PIP4K2A: variants seen among roughly 807,000 people sequenced by gnomAD.
The protein encoded by PIP4K2A is phosphatidylinositol 5-phosphate 4-kinase type-2 alpha.
Under a neutral mutation model 42.9 loss-of-function variants are expected in PIP4K2A, and 14 were observed. The observed-to-expected ratio is 0.33, with a 90% CI of 0.22 to 0.51. The LOEUF (loss-of-function observed/expected upper bound fraction) is 0.51. Among genes scored for constraint, PIP4K2A ranks in the 20% least tolerant of loss-of-function variants. The pLI, the probability that PIP4K2A is intolerant of heterozygous loss-of-function variation, is 0.97. For missense variants in PIP4K2A, 434 were observed against 519.8 expected, an observed-to-expected ratio of 0.83 and a Z score of 1.61; for synonymous variants, 192 against 192.2, an observed-to-expected ratio of 1.00 and a Z score of 0.01.
At chr10:22,631,486 C>A (rs1838546838) in intron 1 of PIP4K2A, among the ~76,000 whole-genome samples, 1 of 152,142 alleles carries the variant, frequency 6.6e-6, no homozygotes, top group Non-Finnish European at 1.5e-5. Context: ...AGAAACCGAA[C>A]CCTGTCAGAA....
intron 1 of PIP4K2A, among the ~76,000 whole-genome samples, chr10:22,622,391 C>T (rs763507375): frequency 5.3e-5 from 8 of 152,184 alleles, no homozygotes; most frequent in African/African-American, 9.7e-5. Flanking sequence ...CAAGAAGCTT[C>T]GGGCACGGGA....
intron 1 of PIP4K2A, among the ~76,000 whole-genome samples, chr10:22,623,509 C>T (rs958597103): frequency 2.6e-5 from 4 of 152,132 alleles, no homozygotes; most frequent in Non-Finnish European, 5.9e-5. Context: ...CTTTACACAG[C>T]TTGTCTGACG....
At chr10:22,553,698 T>C (rs1328454473) in intron 6 of PIP4K2A, among the ~76,000 whole-genome samples, 1 of 151,528 alleles carries the variant, frequency 6.6e-6, no homozygotes, top group African/African-American at 2.4e-5. Flanking sequence ...GTGGTGCTTA[T>C]AATCCCCATC....
intron 1 of PIP4K2A, among the ~76,000 whole-genome samples, chr10:22,621,802 T>C (rs1026596544): frequency 1.3e-5 from 2 of 152,236 alleles, no homozygotes; most frequent in African/African-American, 4.8e-5. Context: ...TTCAGCAGAC[T>C]TCACAGTTGG....
intron 6 of PIP4K2A, among the ~76,000 whole-genome samples, chr10:22,559,854 A>C (rs1382816367): frequency 2.0e-5 from 3 of 152,192 alleles, no homozygotes; most frequent in African/African-American, 7.2e-5. Context: ...CAAATCCTTT[A>C]ATTTTACAAA....
At chr10:22,585,712 T>C (rs907521735) in intron 4 of PIP4K2A, among the ~76,000 whole-genome samples, 1 of 152,014 alleles carries the variant, frequency 6.6e-6, no homozygotes, top group African/African-American at 2.4e-5. Flanking sequence ...GGGATTCTCA[T>C]GCCTTAGCCT....
chr10:22,692,817 T>C (rs1419721475), intron 1 of PIP4K2A, among the ~76,000 whole-genome samples: 3 of 152,178 alleles, frequency 2.0e-5, no homozygotes, highest in Non-Finnish European at 4.4e-5. Flanking sequence ...GGAATCTTCT[T>C]TCAGTCAACA....
chr10:22,706,371 G>A (rs912585635), intron 1 of PIP4K2A, among the ~76,000 whole-genome samples: 1 of 152,148 alleles, frequency 6.6e-6, no homozygotes, highest in African/African-American at 2.4e-5. Context: ...AGCCATGCCA[G>A]CTTTCCTGCA....
intron 9 of PIP4K2A, among the ~76,000 whole-genome samples, chr10:22,537,758 A>C (rs2130732652): frequency 6.6e-6 from 1 of 152,352 alleles, no homozygotes. Context: ...GTTTCTGGAC[A>C]GAGGCCCCCA....
intron 1 of PIP4K2A, among the ~76,000 whole-genome samples, chr10:22,647,666 CT>C (rs1362176537): frequency 3.3e-5 from 5 of 152,198 alleles, no homozygotes; most frequent in Non-Finnish European, 7.3e-5. Flanking sequence ...GCTATCACAT[CT>C]TTGTTCCAAG....
Position 22,541,912 on chromosome 10 carries a change from C to A in PIP4K2A, c.928G>T (p.Val310Leu). 2 of 1,613,998 alleles carry A rather than the reference C, an allele frequency of 1.2e-6. No homozygotes were observed. Among genetic ancestry groups the A allele is most frequent in the Non-Finnish European group, 1.7e-6 (2 of 1,179,908 alleles). The part of the protein sequence containing the change: ...EEGESDGTHP[V>L]GTPPDSPGNT... ...CCGGGGCTATCTGGGGGGGTTCCCA[C>A]CGGGTGGGTGCCATCGCTCTCGCCC... Residue 310 changes from valine to leucine, a missense_variant, in exon 8 of 10, where the codon GTG becomes TTG. This residue lies in a region of PIP4K2A where 395 missense variants were observed against 444.5 expected (regional missense o/e 0.89). Coordinates refer to ENST00000376573, the MANE Select transcript of PIP4K2A (RefSeq NM_005028.5).
chr10:22,647,895 A>C (rs922179616), intron 1 of PIP4K2A, among the ~76,000 whole-genome samples: 1 of 152,262 alleles, frequency 6.6e-6, no homozygotes, highest in African/African-American at 2.4e-5. Context: ...AACAAAAGAA[A>C]AACAATGTGT....
At chr10:22,653,276 G>A (rs1054508550) in intron 1 of PIP4K2A, among the ~76,000 whole-genome samples, 8 of 152,126 alleles carry the variant, frequency 5.3e-5, no homozygotes, top group African/African-American at 1.4e-4. Context: ...GTACGTGGGA[G>A]GTAAGGAAAT....
At chr10:22,668,426 TG>T (rs201128217) in intron 1 of PIP4K2A, among the ~76,000 whole-genome samples, 2 of 152,232 alleles carry the variant, frequency 1.3e-5, no homozygotes, top group African/African-American at 4.8e-5. Context: ...GTGTTTTTTT[TG>T]TTTGTTTGTT....
chr10:22,592,999 T>C (rs1372358750), intron 3 of PIP4K2A, among the ~76,000 whole-genome samples: 1 of 152,218 alleles, frequency 6.6e-6, no homozygotes, highest in Non-Finnish European at 1.5e-5. Flanking sequence ...GCCCATGAAT[T>C]TGCAAAAGAA....
intron 4 of PIP4K2A, among the ~76,000 whole-genome samples, chr10:22,581,509 T>A (rs1261239617): frequency 7.2e-6 from 1 of 138,438 alleles, no homozygotes; most frequent in African/African-American, 2.7e-5. Context: ...GGCAGGAGGG[T>A]TGCTTTAGCC....
At chr10:22,669,303 C>T (rs982895301) in intron 1 of PIP4K2A, among the ~76,000 whole-genome samples, 2 of 152,106 alleles carry the variant, frequency 1.3e-5, no homozygotes, top group African/African-American at 2.4e-5. Context: ...AGCCTATACA[C>T]GACGGTGGTG....
chr10:22,545,604 C>G (rs1363920891), intron 7 of PIP4K2A, among the ~76,000 whole-genome samples: 1 of 152,250 alleles, frequency 6.6e-6, no homozygotes, highest in Non-Finnish European at 1.5e-5. Context: ...TAGCACAACC[C>G]AAAAACCATC....
At chr10:22,566,910 G>C (rs1470662690) in intron 6 of PIP4K2A, among the ~76,000 whole-genome samples, 2 of 152,134 alleles carry the variant, frequency 1.3e-5, no homozygotes, top group Non-Finnish European at 2.9e-5. Context: ...AGATCTTTCT[G>C]TGTGTCTTGT....
Sources: allele counts gnomAD v4.1 joint callset (sites outside exome capture counted in the v4.1 genomes callset), GRCh38; gene constraint gnomAD v4.1.1; regional missense constraint gnomAD v4.1.1; transcripts MANE v1.5; gene names NCBI Gene and HGNC (gene_info 2026-07-23, HGNC 2026-07-21).